The following SLC38A6 variants were observed in gnomAD, a reference collection of about 807,000 sequenced individuals.
The protein encoded by SLC38A6 is N system amino acid transporter NAT-1.
A neutral mutation model predicts 65.0 loss-of-function variants in SLC38A6; 73 were observed. The ratio of observed to expected loss-of-function variants is 1.12; its 90% CI spans 0.93 to 1.37. The LOEUF (loss-of-function observed/expected upper bound fraction) is 1.37, where lower values mean the gene tolerates loss of function less well. SLC38A6 is among the 40% of genes most tolerant of loss of function. The pLI is 0.00. For missense variants in SLC38A6, 561 were observed against 531.1 expected (o/e 1.06, Z -0.55); for synonymous variants, 183 against 178.8 (o/e 1.02, Z -0.19).
At chr14:61,015,447 C>T (rs1317489145) in intron 3 of SLC38A6, among the ~76,000 whole-genome samples, 1 of 152,138 alleles carries the variant, frequency 6.6e-6, no homozygotes, top group Non-Finnish European at 1.5e-5. Context: ...GTTGGAAATG[C>T]AGAAATCACC....
chr14:61,046,647 AG>A (rs2042166643), intron 12 of SLC38A6, among the ~76,000 whole-genome samples: 1 of 152,210 alleles, frequency 6.6e-6, no homozygotes, highest in Non-Finnish European at 1.5e-5. Context: ...CACAGGATTC[AG>A]CAGATGTGCA....
chr14:61,055,104 T>C (rs1246466219), downstream of SLC38A6, among the ~76,000 whole-genome samples: 18 of 87,050 alleles, frequency 2.1e-4, no homozygotes, highest in Admixed American at 2.1e-3. Context: ...TTAAGTCTTT[T>C]TCTTTTTTTT....
intron 3 of SLC38A6, among the ~76,000 whole-genome samples, chr14:61,009,031 T>G (rs1267730599): frequency 1.3e-5 from 2 of 152,192 alleles, no homozygotes; most frequent in Non-Finnish European, 1.5e-5. Flanking sequence ...GCTTTACCTA[T>G]TCTAAGAGGA....
In SLC38A6 at chr14:60,996,395, T is replaced by C. The variant is rs2038295680; in HGVS notation, c.310+11592T>C. The stretch of plus-strand genomic sequence containing the variant: ...CAAAAGTCCTAGAAGTCAAAATTAG[T>C]TCAATTGTTGGGTTGGGAGAGTTAC... On this transcript the variant is annotated intron_variant, in intron 3 of 15. Coordinates refer to ENST00000267488, the MANE Select transcript of SLC38A6 (RefSeq NM_153811.3). Among the ~76,000 whole-genome samples, 3 of 152,164 alleles carry C rather than the reference T, an allele frequency of 2.0e-5. No homozygotes were observed. In the South Asian group the frequency reaches 6.2e-4, roughly 32 times the overall value.
intron 8 of SLC38A6, among the ~76,000 whole-genome samples, chr14:61,042,494 A>G (rs2041872111): frequency 6.6e-6 from 1 of 152,230 alleles, no homozygotes; most frequent in Admixed American, 6.5e-5. Flanking sequence ...GAGTAAAAAC[A>G]TGAAACATTT....
intron 13 of SLC38A6, 84 bp from the exon 14 acceptor site, chr14:61,051,703 A>G (rs1349911476): frequency 6.7e-7 from 1 of 1,491,804 alleles, no homozygotes; most frequent in African/African-American, 1.4e-5. Flanking sequence ...CAAAAATATC[A>G]TGGTTGTTGT....
At chr14:60,995,124 T>C (rs1309810451) in intron 3 of SLC38A6, among the ~76,000 whole-genome samples, 2 of 152,152 alleles carry the variant, frequency 1.3e-5, no homozygotes, top group African/African-American at 4.8e-5. Context: ...ATTCCTCTTC[T>C]GGGTTTATAC....
chr14:61,007,316 A>ATAG (rs1595044938), intron 3 of SLC38A6, among the ~76,000 whole-genome samples: 1 of 92,632 alleles, frequency 1.1e-5, no homozygotes, highest in East Asian at 2.6e-4. Flanking sequence ...TAAAACTTTA[A>ATAG]TAATAATAAA....
At chr14:61,006,222 A>T (rs1224414773) in intron 3 of SLC38A6, among the ~76,000 whole-genome samples, 1 of 152,198 alleles carries the variant, frequency 6.6e-6, no homozygotes, top group Non-Finnish European at 1.5e-5. Context: ...AACCATAAAA[A>T]CCCTAGAAGA....
intron 15 of SLC38A6, among the ~76,000 whole-genome samples, chr14:61,068,705 C>T (rs1378729471): frequency 1.3e-5 from 2 of 152,206 alleles, no homozygotes; most frequent in African/African-American, 4.8e-5. Flanking sequence ...ATACAGGTCA[C>T]TGCTGGAAAT....
At chr14:61,040,371 A>G (rs1958268) in intron 8 of SLC38A6, among the ~76,000 whole-genome samples, 136,117 of 145,602 alleles carry the variant, frequency 0.93, 63,868 homozygotes, top group Non-Finnish European at 0.99. Flanking sequence ...ATGGAGTCTC[A>G]CTCTGTCACC....
chr14:61,045,503 T>C, intron 11 of SLC38A6, 78 bp downstream of exon 11: 2 of 1,064,720 alleles, frequency 1.9e-6, no homozygotes, highest in Non-Finnish European at 2.8e-6. Flanking sequence ...AATGACATCC[T>C]CTTTTATTAA....
intron 15 of SLC38A6, among the ~76,000 whole-genome samples, chr14:61,067,009 AG>A (rs1434232198): frequency 2.6e-5 from 4 of 152,228 alleles, no homozygotes; most frequent in Non-Finnish European, 5.9e-5. Flanking sequence ...AAAAAAGTTC[AG>A]ATACAACTTT....
downstream of SLC38A6, among the ~76,000 whole-genome samples, chr14:61,053,279 G>A (rs2042596646): frequency 6.6e-6 from 1 of 152,086 alleles, no homozygotes; most frequent in Non-Finnish European, 1.5e-5. Context: ...TGTCATTGAT[G>A]GGTATATAGG....
chr14:61,012,270 C>T (rs1406096200), intron 3 of SLC38A6, among the ~76,000 whole-genome samples: 1 of 152,036 alleles, frequency 6.6e-6, no homozygotes, highest in Non-Finnish European at 1.5e-5. Flanking sequence ...TGATTCTTCT[C>T]TCTTTTCTTC....
chr14:61,000,735 A>G (rs956424821), intron 3 of SLC38A6, among the ~76,000 whole-genome samples: 2 of 152,222 alleles, frequency 1.3e-5, no homozygotes, highest in African/African-American at 4.8e-5. Flanking sequence ...TAAAGAGCTG[A>G]CAGCCCTCTC....
chr14:61,030,263 C>CTGTGTGTG (rs3080609), intron 5 of SLC38A6, among the ~76,000 whole-genome samples, 182 bp from the exon 6 acceptor site: 381 of 148,836 alleles, frequency 2.6e-3, no homozygotes, highest in African/African-American at 8.3e-3. Flanking sequence ...AGTTACTTTT[C>CTGTGTGTG]TGTGTGTGTG....
chr14:61,064,098 A>G (rs1162780561), intron 15 of SLC38A6, among the ~76,000 whole-genome samples: 1 of 152,124 alleles, frequency 6.6e-6, no homozygotes, highest in Non-Finnish European at 1.5e-5. Context: ...CCCCAGGTGC[A>G]CGTTTTGAGT....
At chr14:60,984,910 T>G in intron 3 of SLC38A6, 107 bp downstream of exon 3, 3 of 1,056,848 alleles carry the variant, frequency 2.8e-6, no homozygotes, top group Non-Finnish European at 4.3e-6. Context: ...GCATACATTT[T>G]TATTAGATAG....
Sources: gnomAD v4.1 joint callset for allele counts (sites outside exome capture counted in the v4.1 genomes callset) on GRCh38, gnomAD v4.1.1 for gene constraint, MANE v1.5 for transcripts, NCBI Gene and HGNC (gene_info 2026-07-23, HGNC 2026-07-21) for gene names.